LOXHD1: variants seen among roughly 807,000 people sequenced by gnomAD.
LOXHD1 encodes the protein lipoxygenase homology domain-containing protein 1.
In LOXHD1, 205 loss-of-function variants were observed where a neutral mutation model predicts 248.2. The observed-to-expected ratio is 0.83, with a 90% CI of 0.74 to 0.93. The LOEUF is 0.93. Ranked by LOEUF, LOXHD1 falls within the 40% of genes least tolerant of loss-of-function variation. LOXHD1 has a pLI of 0.00. For synonymous variants in LOXHD1, 1,113 were observed against 1,162.8 expected, an observed-to-expected ratio of 0.96 and a Z score of 0.87; for missense variants, 2,930 against 2,971.6, an observed-to-expected ratio of 0.99 and a Z score of 0.33.
At chr18:46,519,768 G>A (rs376170065) in intron 33 of LOXHD1, among the ~76,000 whole-genome samples, 10 of 152,320 alleles carry the variant, frequency 6.6e-5, no homozygotes, top group African/African-American at 2.4e-4. Context: ...CCTTTACACA[G>A]ATACATCTCT....
At chr18:46,654,408 G>A (rs1459378930) in intron 1 of LOXHD1, among the ~76,000 whole-genome samples, 1 of 152,222 alleles carries the variant, frequency 6.6e-6, no homozygotes, top group Non-Finnish European at 1.5e-5. Context: ...TGCCTCCGGG[G>A]CTGGAAGCCT....
Position 46,560,252 on chromosome 18 carries a change from C to CGAGGACTCCTCTGAT in LOXHD1, c.2877_2891dup (p.Ser963_Glu967dup). 3 of 1,551,366 alleles carry CGAGGACTCCTCTGAT rather than the reference C, an allele frequency of 1.9e-6. No individual in the cohort carries two copies. Among genetic ancestry groups the CGAGGACTCCTCTGAT allele is most frequent in the Non-Finnish European group, 2.6e-6 (3 of 1,146,522 alleles). On this transcript the variant is annotated inframe_insertion, in exon 19 of 41. Transcript: ENST00000642948. ...CTTCTTCCATCTCCTCCTCCTCTGA[C>CGAGGACTCCTCTGAT]GAGGACTCCTCTGATGAGGACGACT...
chr18:46,592,401 A>G (rs2061803321), intron 11 of LOXHD1, 97 bp downstream of exon 11: 1 of 1,079,428 alleles, frequency 9.3e-7, no homozygotes, highest in African/African-American at 1.6e-5. Flanking sequence ...TATTCACAAT[A>G]AATACAGAGG....
At chr18:46,544,696 TG>T (rs2036718769) in intron 23 of LOXHD1, 4 of 397,096 alleles carry the variant, frequency 1.0e-5, no homozygotes, top group South Asian at 7.8e-5. Context: ...AGCTAATAAA[TG>T]GTGGAGTGGA....
chr18:46,495,784 A>G (rs914906601), intron 37 of LOXHD1, among the ~76,000 whole-genome samples: 1 of 152,232 alleles, frequency 6.6e-6, no homozygotes, highest in Non-Finnish European at 1.5e-5. Flanking sequence ...ATTGTTAAGT[A>G]TGATAGTGGT....
At position 46,615,442 on chromosome 18, in the gene LOXHD1, T is replaced by C. The variant is rs78378732; in HGVS notation, c.610+2750A>G. ...CGGGTGGTGGTGGTGGTGATGATGA[T>C]ATAACATGTGCCATCAGATTATTCA... On this transcript the variant is annotated intron_variant, in intron 5 of 40. Transcript: ENST00000642948. 5.2e-3 allele frequency among the ~76,000 whole-genome samples: 795 copies of C among 152,362 alleles called. 20 individuals carry two copies. In the East Asian group the frequency reaches 0.073, roughly 14 times the overall value.
Position 46,579,727 on chromosome 18 carries a change from G to A in LOXHD1, c.1712C>T (p.Ala571Val). ...ACCAAAAAGGCAGAGATAGACGTTG[G>A]CATCGGTCCCAGCACCTTCAAGTTC... Reference protein sequence around the residue: ...TGELEGAGTDANVYLCLFGDV... With the variant: ...TGELEGAGTDVNVYLCLFGDV... Residue 571 changes from alanine to valine, a missense_variant, in exon 13 of 41, where the codon GCC becomes GTC. Coordinates refer to ENST00000642948, the MANE Select transcript of LOXHD1 (RefSeq NM_001384474.1). 6.4e-7 allele frequency: 1 copy of A among 1,551,758 alleles called. No homozygotes were observed. Among genetic ancestry groups the A allele is most frequent in the Non-Finnish European group, 8.7e-7 (1 of 1,147,004 alleles).
At chr18:46,579,874 C>T in intron 12 of LOXHD1, 90 bp from the exon 13 acceptor site, 1 of 1,432,100 alleles carries the variant, frequency 7.0e-7, no homozygotes, top group South Asian at 1.4e-5. Context: ...TCTGATTCCT[C>T]CTCTCCTTCT....
At chr18:46,611,235 C>A (rs1023108174) in intron 5 of LOXHD1, among the ~76,000 whole-genome samples, 1 of 152,196 alleles carries the variant, frequency 6.6e-6, no homozygotes, top group South Asian at 2.1e-4. Context: ...AGTTGCTTGT[C>A]CTGAATTGGA....
chr18:46,525,914 T>A (rs12607120), intron 29 of LOXHD1, among the ~76,000 whole-genome samples: 114,919 of 152,018 alleles, frequency 0.76, 43,998 homozygotes, highest in Non-Finnish European at 0.83. Flanking sequence ...GGGAACAACA[T>A]CCTGTGTGAG....
At chr18:46,560,048 T>TGCCGGGCCC in intron 19 of LOXHD1, 35 bp downstream of exon 19, 18 of 1,226,298 alleles carry the variant, frequency 1.5e-5, no homozygotes, top group Non-Finnish European at 2.0e-5. Flanking sequence ...GTCTGGCCAC[T>TGCCGGGCCC]CCCTCCCCAC....
At chr18:46,518,077 G>A (rs2035354770) in intron 34 of LOXHD1, 52 bp downstream of exon 34, 8 of 1,548,852 alleles carry the variant, frequency 5.2e-6, no homozygotes, top group Non-Finnish European at 7.0e-6. Context: ...GTGGGGCAGA[G>A]GGGGAGAGTT....
At chr18:46,520,436 C>T (rs891684445) in intron 33 of LOXHD1, 3 of 384,380 alleles carry the variant, frequency 7.8e-6, no homozygotes, top group Non-Finnish European at 1.6e-5. Context: ...GAAACAGAGG[C>T]TTCTGGGCCA....
intron 31 of LOXHD1, among the ~76,000 whole-genome samples, chr18:46,523,950 T>C (rs1437006301): frequency 6.6e-6 from 1 of 152,220 alleles, no homozygotes; most frequent in African/African-American, 2.4e-5. Flanking sequence ...AAATGTTTGA[T>C]AGGCAATTTA....
intron 18 of LOXHD1, among the ~76,000 whole-genome samples, chr18:46,561,949 A>C (rs566250036): frequency 2.0e-5 from 3 of 152,200 alleles, no homozygotes; most frequent in African/African-American, 4.8e-5. Context: ...CCGTGCCTTC[A>C]TCCACCACCA....
intron 37 of LOXHD1, among the ~76,000 whole-genome samples, chr18:46,489,506 A>C (rs2033312182): frequency 6.6e-6 from 1 of 152,184 alleles, no homozygotes; most frequent in South Asian, 2.1e-4. Flanking sequence ...CTGACCCAAA[A>C]TAGAACTTTC....
chr18:46,545,005 A>G (rs1417986805), intron 23 of LOXHD1: 1 of 485,072 alleles, frequency 2.1e-6, no homozygotes, highest in Non-Finnish European at 4.1e-6. Flanking sequence ...CAACTCTACA[A>G]TGCCTGGAGT....
At chr18:46,498,497 G>A (rs555032657) in intron 37 of LOXHD1, among the ~76,000 whole-genome samples, 1 of 152,320 alleles carries the variant, frequency 6.6e-6, no homozygotes, top group African/African-American at 2.4e-5. Context: ...GAAGTCTGCA[G>A]TCAAGGTGTC....
chr18:46,488,194 G>T (rs1259785892), intron 38 of LOXHD1, among the ~76,000 whole-genome samples: 1 of 152,164 alleles, frequency 6.6e-6, no homozygotes, highest in African/African-American at 2.4e-5. Flanking sequence ...CAGAGAGGAA[G>T]ACATTGGCCC....
Sources: allele counts gnomAD v4.1 joint callset (sites outside exome capture counted in the v4.1 genomes callset), GRCh38; gene constraint gnomAD v4.1.1; transcripts MANE v1.5; gene names NCBI Gene and HGNC (gene_info 2026-07-23, HGNC 2026-07-21).